Variants in ZNF850 observed in about 807,000 individuals in gnomAD.
ZNF850 encodes zinc finger protein 850.
ZNF850 carries 2 observed loss-of-function variants against 11.9 expected under a neutral mutation model. That is an observed-to-expected ratio of 0.17 (90% CI 0.07 to 0.53). The LOEUF is 0.53. ZNF850 is among the 20% of genes least tolerant of loss of function. ZNF850 has a pLI of 0.94. For synonymous variants in ZNF850, 381 were observed against 443.0 expected, an observed-to-expected ratio of 0.86 and a Z score of 1.76; for missense variants, 1,014 against 1,316.4, an observed-to-expected ratio of 0.77 and a Z score of 3.55.
chr19:36,754,552 C>CT (rs2040473639), intron 4 of ZNF850, among the ~76,000 whole-genome samples: 1 of 151,798 alleles, frequency 6.6e-6, no homozygotes, highest in South Asian at 2.1e-4. Context: ...TGGGAGATTT[C>CT]TTTTTTTTAG....
At chr19:36,769,278 AAG>A (rs1491067122) in intron 1 of ZNF850, among the ~76,000 whole-genome samples, 44 of 54,470 alleles carry the variant, frequency 8.1e-4, no homozygotes, top group Non-Finnish European at 1.4e-3. Context: ...AAAAAAAAAA[AAG>A]AAAGAAAGAA....
chr19:36,756,325 T>C lies in ZNF850; in HGVS notation c.235+5318A>G, dbSNP rs575039691. ...GTATTTGCAAATGTTTACTTCTATT[T>C]GGAACACATGTTTTTCTACCCCCAG... On this transcript the variant is annotated intron_variant, in intron 4 of 4. Transcript: ENST00000591344. 9.8e-5 allele frequency among the ~76,000 whole-genome samples: 15 copies of C among 152,322 alleles called. No individual in the cohort carries two copies. The South Asian group carries it at 2.9e-3, about 29-fold the overall frequency.
intron 4 of ZNF850, among the ~76,000 whole-genome samples, chr19:36,759,007 A>G (rs2040503131): frequency 6.6e-6 from 1 of 152,010 alleles, no homozygotes; most frequent in African/African-American, 2.4e-5. Context: ...CACTTGAACC[A>G]GGAAGTCGGA....
At chr19:36,759,132 T>C (rs2040503930) in intron 4 of ZNF850, among the ~76,000 whole-genome samples, 1 of 151,252 alleles carries the variant, frequency 6.6e-6, no homozygotes, top group Non-Finnish European at 1.5e-5. Context: ...AGATTAAATA[T>C]GAAAATGTCC....
At position 36,753,537 on chromosome 19, in the gene ZNF850, G is replaced by A. The variant is rs376395626; in HGVS notation, c.236-2733C>T. Among the ~76,000 whole-genome samples, 231 of 149,390 alleles carry A rather than the reference G, an allele frequency of 1.5e-3. 6 individuals carry two copies. In the South Asian group the frequency reaches 0.036, roughly 23 times the overall value. ...GAGCCCGGAAAGTCAATGCTGCAATGAGCTGTGGTCAAGCCACTGCACTCC... is the reference window on the plus strand; with the variant it reads ...GAGCCCGGAAAGTCAATGCTGCAATAAGCTGTGGTCAAGCCACTGCACTCC... On this transcript the variant is annotated intron_variant, in intron 4 of 4. Coordinates refer to ENST00000591344, the MANE Select transcript of ZNF850 (RefSeq NM_001193552.2).
chr19:36,754,702 C>T (rs1219296718), intron 4 of ZNF850, among the ~76,000 whole-genome samples: 1 of 151,898 alleles, frequency 6.6e-6, no homozygotes, highest in Non-Finnish European at 1.5e-5. Flanking sequence ...ATTACAGGCG[C>T]CTGCCACCAC....
At chr19:36,767,020 A>G (rs2040553076) in intron 1 of ZNF850, among the ~76,000 whole-genome samples, 2 of 151,436 alleles carry the variant, frequency 1.3e-5, no homozygotes, top group South Asian at 4.2e-4. Context: ...GTGGATCACC[A>G]GAGGTCAGGA....
chr19:36,757,565 G>A (rs1012812904), intron 4 of ZNF850, among the ~76,000 whole-genome samples: 5 of 146,370 alleles, frequency 3.4e-5, no homozygotes, highest in African/African-American at 1.0e-4. Flanking sequence ...GGAGTGCAGT[G>A]GTGTGATCTT....
rs933329813 is a variant in ZNF850, at chr19:36,750,555, C to A, written c.485G>T (p.Arg162Leu). ...ATACAGTTTCTCTCCAGGATGAATC[C>A]GATGATGCAGAGTGAGAGATGTCTG... ...CLQTSLTLHH[R>L]IHPGEKLYKS... is the part of the protein sequence containing the mutation. Residue 162 changes from arginine to leucine, a missense_variant, in exon 5 of 5, where the codon CGG becomes CTG. Arg to Leu is a moderately radical substitution (Grantham distance 102). Around this residue, in one of 2 missense-constraint regions of ZNF850, gnomAD observed 835 missense variants for 1,022.0 expected, o/e 0.82. Coordinates refer to ENST00000591344, the MANE Select transcript of ZNF850 (RefSeq NM_001193552.2). 1 of 1,536,068 alleles carries A rather than the reference C, an allele frequency of 6.5e-7. No homozygotes were observed. The highest frequency in any genetic ancestry group is 2.0e-5 in the Admixed American group (1 of 50,986).
chr19:36,759,450 G>A (rs2040505851), intron 4 of ZNF850, among the ~76,000 whole-genome samples: 1 of 152,054 alleles, frequency 6.6e-6, no homozygotes, highest in Non-Finnish European at 1.5e-5. Flanking sequence ...ACTCCAGCAT[G>A]GGCAACAGAG....
At chr19:36,768,189 G>A (rs1309927717) in intron 1 of ZNF850, among the ~76,000 whole-genome samples, 1 of 147,704 alleles carries the variant, frequency 6.8e-6, no homozygotes, top group Non-Finnish European at 1.5e-5. Flanking sequence ...CTGGGTGACA[G>A]AGCAAGACCC....
Position 36,754,403 on chromosome 19 carries a change from G to C in ZNF850, c.236-3599C>G, listed in dbSNP as rs1190014692. ...AGGTGAAAACATTCTTGGGAATAAAGAGGATTACTACATAATAAAACGTTC... is the reference window on the plus strand; with the variant it reads ...AGGTGAAAACATTCTTGGGAATAAACAGGATTACTACATAATAAAACGTTC... On this transcript the variant is annotated intron_variant, in intron 4 of 4. Transcript: ENST00000591344. Among the ~76,000 whole-genome samples, 4 of 152,194 alleles carry C rather than the reference G, an allele frequency of 2.6e-5. No individual in the cohort carries two copies. The South Asian group carries it at 8.3e-4, about 32-fold the overall frequency.
chr19:36,771,026 G>A (rs1022021288), intron 1 of ZNF850, among the ~76,000 whole-genome samples: 1 of 152,088 alleles, frequency 6.6e-6, no homozygotes, highest in Non-Finnish European at 1.5e-5. Context: ...TAAACTGCAT[G>A]GCTTTCAATC....
intron 1 of ZNF850, among the ~76,000 whole-genome samples, chr19:36,764,073 C>T (rs948564397): frequency 2.6e-5 from 4 of 151,746 alleles, no homozygotes; most frequent in South Asian, 4.2e-4. Context: ...GGTGAAACCC[C>T]GTCTCCACTA....
intron 1 of ZNF850, among the ~76,000 whole-genome samples, chr19:36,763,558 C>G (rs1255118050): frequency 6.6e-6 from 1 of 151,358 alleles, no homozygotes. Context: ...ACAAACACAA[C>G]AACAACAAAA....
chr19:36,752,731 A>G (rs2145958209), intron 4 of ZNF850, among the ~76,000 whole-genome samples: 1 of 152,288 alleles, frequency 6.6e-6, no homozygotes, highest in East Asian at 1.9e-4. Flanking sequence ...TATAAATTTC[A>G]AGGAGAAAAA....
At chr19:36,758,205 ACTC>A (rs1229464966) in intron 4 of ZNF850, among the ~76,000 whole-genome samples, 1 of 151,998 alleles carries the variant, frequency 6.6e-6, no homozygotes, top group Admixed American at 6.6e-5. Flanking sequence ...ATGAGGCAGA[ACTC>A]CTAGCAGGGT....
intron 4 of ZNF850, among the ~76,000 whole-genome samples, chr19:36,753,248 G>A (rs1329085207): frequency 1.5e-5 from 2 of 134,492 alleles, no homozygotes; most frequent in African/African-American, 2.8e-5. Context: ...CAGCCTGGGC[G>A]ACAGAGCGAG....
intron 1 of ZNF850, among the ~76,000 whole-genome samples, chr19:36,768,269 A>C (rs1051920288): frequency 2.0e-5 from 3 of 152,082 alleles, no homozygotes; most frequent in Admixed American, 6.5e-5. Context: ...TTAGGTGTTC[A>C]ATAAACGTAG....
Sources: gnomAD v4.1 joint callset for allele counts (sites outside exome capture counted in the v4.1 genomes callset) on GRCh38, gnomAD v4.1.1 for gene constraint, gnomAD v4.1.1 regional missense constraint, MANE v1.5 for transcripts, NCBI Gene and HGNC (gene_info 2026-07-23, HGNC 2026-07-21) for gene names.